Variants in DRC10 observed in about 807,000 individuals in gnomAD.
The protein encoded by DRC10 is IQ domain-containing protein D.
At chr12:113,210,497 C>T in the DRC10 span, among the ~76,000 whole-genome samples, 3 of 151,950 alleles carry the variant, frequency 2.0e-5, no homozygotes, top group Non-Finnish European at 4.4e-5. Flanking sequence ...CACAGGGGCT[C>T]ACGCCTGTAA....
chr12:113,196,005 T>A, the DRC10 span: 15 of 1,416,952 alleles, frequency 1.1e-5, no homozygotes, highest in South Asian at 2.2e-4. Context: ...GCCCCTAAGC[T>A]AAGCTGTTCA....
chr12:113,197,466 T>C, the DRC10 span: 2 of 1,035,254 alleles, frequency 1.9e-6, no homozygotes, highest in Non-Finnish European at 2.9e-6. Context: ...ATCCCAAGGC[T>C]ACTTTTCCCA....
the DRC10 span, chr12:113,207,289 AGT>A: frequency 2.7e-6 from 2 of 740,758 alleles, no homozygotes; most frequent in Admixed American, 2.0e-5. Context: ...CAGAGGTTGC[AGT>A]GAGTCGAGAT....
the DRC10 span, among the ~76,000 whole-genome samples, chr12:113,209,559 T>A: frequency 1.3e-5 from 2 of 152,194 alleles, no homozygotes; most frequent in South Asian, 4.1e-4. Flanking sequence ...GCTAATTTTT[T>A]AACTTTTTAT....
At chr12:113,202,845 A>C in the DRC10 span, among the ~76,000 whole-genome samples, 2 of 152,210 alleles carry the variant, frequency 1.3e-5, no homozygotes, top group Non-Finnish European at 2.9e-5. Context: ...CTACAGAGAA[A>C]TACACTGCCA....
chr12:113,211,105 G>T, the DRC10 span, among the ~76,000 whole-genome samples: 5 of 152,064 alleles, frequency 3.3e-5, no homozygotes, highest in Non-Finnish European at 7.4e-5. Flanking sequence ...GTGGACAATG[G>T]TGTCTTGGCC....
At chr12:113,216,446 A>G in the DRC10 span, among the ~76,000 whole-genome samples, 1 of 152,190 alleles carries the variant, frequency 6.6e-6, no homozygotes, top group African/African-American at 2.4e-5. Flanking sequence ...TACTACAATG[A>G]TGGATACCAT....
the DRC10 span, among the ~76,000 whole-genome samples, chr12:113,202,324 AAGTC>A: frequency 3.9e-5 from 6 of 152,230 alleles, no homozygotes; most frequent in Non-Finnish European, 8.8e-5. Context: ...GTTATCCACA[AAGTC>A]AGGTGAATGC....
the DRC10 span, among the ~76,000 whole-genome samples, chr12:113,199,399 C>CATAAATAAATAA: frequency 0.035 from 5,311 of 150,678 alleles, 111 homozygotes; most frequent in East Asian, 0.054. Flanking sequence ...CTGTCTCAAA[C>CATAAATAAATAA]ATAAATAAAT....
chr12:113,204,043 C>G, the DRC10 span, among the ~76,000 whole-genome samples: 4 of 152,090 alleles, frequency 2.6e-5, no homozygotes, highest in Admixed American at 6.6e-5. Context: ...GAGTTCGAAA[C>G]CAGCCTGGGC....
chr12:113,218,137 C>CTT, the DRC10 span, among the ~76,000 whole-genome samples: 11 of 139,788 alleles, frequency 7.9e-5, no homozygotes, highest in African/African-American at 1.3e-4. Context: ...AAACCCTGAC[C>CTT]TTTTTTTTTT....
the DRC10 span, among the ~76,000 whole-genome samples, chr12:113,212,989 A>C: frequency 8.7e-4 from 133 of 152,230 alleles, no homozygotes; most frequent in African/African-American, 3.1e-3. Context: ...TATCATGCAA[A>C]TTATACCTCG....
chr12:113,213,368 T>C, the DRC10 span, among the ~76,000 whole-genome samples: 8 of 152,146 alleles, frequency 5.3e-5, no homozygotes, highest in East Asian at 1.5e-3. Context: ...GCATAGTACC[T>C]GATAGGTAGT....
the DRC10 span, chr12:113,200,215 ACTT>A: frequency 2.6e-6 from 1 of 390,700 alleles, no homozygotes; most frequent in East Asian, 6.4e-5. Context: ...TTTACATGCT[ACTT>A]CTTCATTCCT....
At chr12:113,196,008 G>C in the DRC10 span, 1 of 1,412,712 alleles carries the variant, frequency 7.1e-7, no homozygotes, top group African/African-American at 1.4e-5. Flanking sequence ...CCTAAGCTAA[G>C]CTGTTCAGCA....
At chr12:113,206,292 G>C in the DRC10 span, 1 of 151,930 alleles carries the variant, frequency 6.6e-6, no homozygotes, top group Admixed American at 6.6e-5. Context: ...ATTTGCCTTG[G>C]CATACCTGAA....
chr12:113,203,625 G>A, the DRC10 span, among the ~76,000 whole-genome samples: 18 of 151,692 alleles, frequency 1.2e-4, no homozygotes, highest in South Asian at 2.1e-4. Flanking sequence ...ATAGGTGCAC[G>A]CCACCACACC....
chr12:113,200,683 G>A, the DRC10 span: 1 of 1,536,194 alleles, frequency 6.5e-7, no homozygotes, highest in Non-Finnish European at 8.7e-7. Flanking sequence ...CCTGGCCTGT[G>A]ATGCCCGGAA....
chr12:113,200,865 ACAG>A, the DRC10 span: 1 of 1,357,848 alleles, frequency 7.4e-7, no homozygotes, highest in Non-Finnish European at 9.9e-7. Context: ...CCAGCCGGGC[ACAG>A]TGGCTCACGC....
Sources: allele counts gnomAD v4.1 joint callset (sites outside exome capture counted in the v4.1 genomes callset), GRCh38; gene constraint gnomAD v4.1.1; transcripts MANE v1.5; gene names NCBI Gene and HGNC (gene_info 2026-07-23, HGNC 2026-07-21).